ZMAT4: variants seen among roughly 807,000 people sequenced by gnomAD.
The protein encoded by ZMAT4 is zinc finger matrin-type 4.
ZMAT4 carries 17 observed loss-of-function variants against 28.7 expected under a neutral mutation model. The observed-to-expected ratio is 0.59, with a 90% CI of 0.41 to 0.89. The LOEUF (loss-of-function observed/expected upper bound fraction) is 0.89. ZMAT4 is among the 40% of genes least tolerant of loss of function. The pLI is 0.00. For missense variants in ZMAT4, 240 were observed against 283.8 expected (o/e 0.85, Z 1.11); for synonymous variants, 117 against 109.2 (o/e 1.07, Z -0.44).
chr8:40,717,792 A>T (rs190469946), intron 3 of ZMAT4, among the ~76,000 whole-genome samples: 45 of 152,184 alleles, frequency 3.0e-4, no homozygotes, highest in African/African-American at 1.1e-3. Context: ...ATAGGAACCT[A>T]CTTTACTAAA....
At chr8:40,893,223 G>A (rs1397367653) in intron 1 of ZMAT4, among the ~76,000 whole-genome samples, 1 of 152,180 alleles carries the variant, frequency 6.6e-6, no homozygotes, top group Non-Finnish European at 1.5e-5. Context: ...TTCCAGCTCT[G>A]AAAGCATCGC....
chr8:40,740,474 A>G (rs1430495468), intron 3 of ZMAT4, among the ~76,000 whole-genome samples: 1 of 152,242 alleles, frequency 6.6e-6, no homozygotes, highest in African/African-American at 2.4e-5. Flanking sequence ...TAAAAGATAC[A>G]ATAACAATAT....
intron 4 of ZMAT4, among the ~76,000 whole-genome samples, chr8:40,682,192 T>C (rs1809199855): frequency 6.6e-6 from 1 of 152,238 alleles, no homozygotes; most frequent in Admixed American, 6.5e-5. Context: ...TTACCATTTA[T>C]ATATAGGCCA....
chr8:40,550,450 C>T (rs1469628015), intron 6 of ZMAT4, among the ~76,000 whole-genome samples: 4 of 152,188 alleles, frequency 2.6e-5, no homozygotes, highest in Non-Finnish European at 5.9e-5. Context: ...GAACAGGTCA[C>T]ACACTAACAC....
At chr8:40,585,090 T>C (rs1232412308) in intron 5 of ZMAT4, among the ~76,000 whole-genome samples, 1 of 152,166 alleles carries the variant, frequency 6.6e-6, no homozygotes, top group Non-Finnish European at 1.5e-5. Flanking sequence ...GAGACCTCTT[T>C]GAAATGTATA....
In ZMAT4 at chr8:40,540,245, G is replaced by T. The variant is rs1050652676; in HGVS notation, c.675-8007C>A. On this transcript the variant is annotated intron_variant, in intron 6 of 6. Coordinates refer to ENST00000297737, the MANE Select transcript of ZMAT4 (RefSeq NM_024645.3). Reference sequence around the variant, plus strand: ...GGAGCCTGGCCCCTCCTCTTCCTGTGTGGAACCTGGGATTCAAGCTGCGGG... The same window carrying T: ...GGAGCCTGGCCCCTCCTCTTCCTGTTTGGAACCTGGGATTCAAGCTGCGGG... Among the ~76,000 whole-genome samples the T allele has an allele frequency of 2.6e-5, 4 of 152,192 alleles. No homozygotes were observed. In the South Asian group the frequency reaches 8.3e-4, roughly 32 times the overall value.
intron 5 of ZMAT4, among the ~76,000 whole-genome samples, chr8:40,591,666 A>G (rs1289449347): frequency 6.6e-6 from 1 of 152,206 alleles, no homozygotes; most frequent in Non-Finnish European, 1.5e-5. Flanking sequence ...CATGAGGTCT[A>G]ATCCTTATCA....
At chr8:40,733,571 G>T (rs936071443) in intron 3 of ZMAT4, among the ~76,000 whole-genome samples, 3 of 152,016 alleles carry the variant, frequency 2.0e-5, no homozygotes, top group African/African-American at 7.2e-5. Flanking sequence ...AGCAGTCATA[G>T]CCTATTACAA....
At chr8:40,701,934 C>T (rs564665152) in intron 3 of ZMAT4, among the ~76,000 whole-genome samples, 6 of 152,212 alleles carry the variant, frequency 3.9e-5, no homozygotes, top group African/African-American at 1.4e-4. Context: ...AACTTAATCC[C>T]CAATGCAACA....
intron 1 of ZMAT4, among the ~76,000 whole-genome samples, chr8:40,849,196 A>G (rs1262852318): frequency 2.0e-5 from 3 of 152,226 alleles, no homozygotes; most frequent in Non-Finnish European, 4.4e-5. Flanking sequence ...GGAGGAATTG[A>G]CAAAGCCTGT....
intron 5 of ZMAT4, among the ~76,000 whole-genome samples, chr8:40,615,853 A>G (rs1010956956): frequency 2.6e-5 from 4 of 152,218 alleles, no homozygotes; most frequent in Non-Finnish European, 4.4e-5. Flanking sequence ...TGTTTTTAGA[A>G]AGCAATGGCA....
chr8:40,668,071 T>A (rs1808504498), intron 5 of ZMAT4, among the ~76,000 whole-genome samples: 1 of 151,920 alleles, frequency 6.6e-6, no homozygotes. Flanking sequence ...AGGTGAAGGA[T>A]CTAAAGCTGT....
chr8:40,690,889 C>T (rs1036713300), intron 4 of ZMAT4: 83 of 984,260 alleles, frequency 8.4e-5, no homozygotes, highest in Non-Finnish European at 9.9e-5. Flanking sequence ...ACTTACAATA[C>T]ATGCAATGAA....
chr8:40,870,387 T>A (rs1817814982), intron 1 of ZMAT4, among the ~76,000 whole-genome samples: 1 of 152,214 alleles, frequency 6.6e-6, no homozygotes, highest in Non-Finnish European at 1.5e-5. Flanking sequence ...TGCATGTAAT[T>A]AAAATGTTTT....
At chr8:40,638,132 T>C (rs886922439) in intron 5 of ZMAT4, among the ~76,000 whole-genome samples, 1 of 152,208 alleles carries the variant, frequency 6.6e-6, no homozygotes, top group African/African-American at 2.4e-5. Flanking sequence ...GAAGAGGTTC[T>C]CGTGATCTAT....
At chr8:40,883,752 G>T (rs1228669199) in intron 1 of ZMAT4, among the ~76,000 whole-genome samples, 3 of 152,092 alleles carry the variant, frequency 2.0e-5, no homozygotes, top group Admixed American at 6.5e-5. Flanking sequence ...ACTCTTTATT[G>T]CCACCTGTCT....
intron 5 of ZMAT4, among the ~76,000 whole-genome samples, chr8:40,630,230 A>G (rs1806525528): frequency 6.6e-6 from 1 of 152,180 alleles, no homozygotes; most frequent in African/African-American, 2.4e-5. Context: ...GGTATAAGAA[A>G]TCCACAGTAC....
At chr8:40,791,946 G>A (rs1213819886) in intron 2 of ZMAT4, among the ~76,000 whole-genome samples, 15 of 152,140 alleles carry the variant, frequency 9.9e-5, no homozygotes, top group Admixed American at 8.5e-4. Context: ...CTCCATGTCC[G>A]GGTGGGTTGC....
intron 2 of ZMAT4, among the ~76,000 whole-genome samples, chr8:40,804,882 G>C (rs1414609455): frequency 6.6e-6 from 1 of 151,658 alleles, no homozygotes; most frequent in Non-Finnish European, 1.5e-5. Context: ...CGACCAAAAA[G>C]GAGTAACTGA....
Sources: gnomAD v4.1 joint callset for allele counts (sites outside exome capture counted in the v4.1 genomes callset) on GRCh38, gnomAD v4.1.1 for gene constraint, MANE v1.5 for transcripts, NCBI Gene and HGNC (gene_info 2026-07-23, HGNC 2026-07-21) for gene names.